ABLIM1: variants seen among roughly 807,000 people sequenced by gnomAD.
The protein encoded by ABLIM1 is actin binding LIM protein 1, also known as actin-binding LIM protein 1.
ABLIM1 carries 40 observed loss-of-function variants against 107.0 expected under a neutral mutation model. That is an observed-to-expected ratio of 0.37 (90% CI 0.29 to 0.49). The LOEUF is 0.49. Ranked by LOEUF, ABLIM1 falls within the 20% of genes least tolerant of loss-of-function variation. The pLI, the probability that ABLIM1 is intolerant of heterozygous loss-of-function variation, is 0.97. For synonymous variants in ABLIM1, 357 were observed against 357.3 expected (o/e 1.00, Z 0.01); for missense variants, 857 against 1,008.5 (o/e 0.85, Z 2.04).
At chr10:114,674,111 G>A (rs559754547) in intron 1 of ABLIM1, among the ~76,000 whole-genome samples, 4 of 151,932 alleles carry the variant, frequency 2.6e-5, no homozygotes, top group Admixed American at 6.6e-5. Context: ...CCAACATGGC[G>A]AAACCCCATC....
intron 1 of ABLIM1, among the ~76,000 whole-genome samples, chr10:114,754,871 CAA>C (rs1444501988): frequency 1.3e-5 from 2 of 152,198 alleles, no homozygotes; most frequent in Non-Finnish European, 2.9e-5. Flanking sequence ...CAGTCCATCT[CAA>C]GTTTCCAGGA....
chr10:114,577,079 G>C (rs2072685226), intron 2 of ABLIM1, among the ~76,000 whole-genome samples: 2 of 152,170 alleles, frequency 1.3e-5, no homozygotes, highest in South Asian at 4.1e-4. Context: ...TAGGCAGTCT[G>C]GGGGTAGCGG....
At chr10:114,699,442 AAGTT>A (rs1178596191) in intron 1 of ABLIM1, among the ~76,000 whole-genome samples, 61 of 152,154 alleles carry the variant, frequency 4.0e-4, no homozygotes, top group Non-Finnish European at 5.0e-4. Context: ...GAAAGCATAA[AAGTT>A]AGATTTAAAA....
chr10:114,759,935 A>G (rs2082709238), intron 1 of ABLIM1, among the ~76,000 whole-genome samples: 1 of 152,210 alleles, frequency 6.6e-6, no homozygotes, highest in Admixed American at 6.5e-5. Context: ...ATATGTAAAT[A>G]TATACTTAAA....
chr10:114,440,542 C>T (rs906374275), intron 19 of ABLIM1, among the ~76,000 whole-genome samples: 1 of 152,056 alleles, frequency 6.6e-6, no homozygotes, highest in African/African-American at 2.4e-5. Flanking sequence ...AACTCCTGGG[C>T]TTAAGCAATT....
chr10:114,714,186 C>G (rs2141978335), intron 1 of ABLIM1, among the ~76,000 whole-genome samples: 1 of 152,312 alleles, frequency 6.6e-6, no homozygotes, highest in East Asian at 1.9e-4. Flanking sequence ...AAGGCTGGAG[C>G]TGGTTTTTTA....
intron 1 of ABLIM1, among the ~76,000 whole-genome samples, chr10:114,700,998 AC>A (rs1205576220): frequency 1.3e-5 from 2 of 152,198 alleles, no homozygotes; most frequent in Non-Finnish European, 2.9e-5. Context: ...AAACAGGCAA[AC>A]CTCAGGCTGG....
At chr10:114,612,961 C>T (rs2076910309) in intron 1 of ABLIM1, among the ~76,000 whole-genome samples, 1 of 152,100 alleles carries the variant, frequency 6.6e-6, no homozygotes, top group Non-Finnish European at 1.5e-5. Context: ...AAACAAAAAC[C>T]AAAAACCAAA....
At chr10:114,679,408 G>GT (rs2080639100) in intron 1 of ABLIM1, among the ~76,000 whole-genome samples, 1 of 152,094 alleles carries the variant, frequency 6.6e-6, no homozygotes, top group Non-Finnish European at 1.5e-5. Flanking sequence ...GCCTAGGCGG[G>GT]TGGATCACCT....
chr10:114,512,859 G>A (rs866032917), intron 6 of ABLIM1, among the ~76,000 whole-genome samples: 6 of 70,506 alleles, frequency 8.5e-5, no homozygotes, highest in South Asian at 3.8e-4. Context: ...AAGGAAAGAA[G>A]GAAGGAAGGA....
chr10:114,774,220 A>G, the ABLIM1 span, among the ~76,000 whole-genome samples: 1 of 152,212 alleles, frequency 6.6e-6, no homozygotes, highest in Admixed American at 6.5e-5. Context: ...ACTGAAAAAA[A>G]TACATGAAAC....
chr10:114,467,601 G>C (rs974965203), intron 11 of ABLIM1, among the ~76,000 whole-genome samples: 2 of 152,160 alleles, frequency 1.3e-5, no homozygotes, highest in African/African-American at 4.8e-5. Flanking sequence ...TAAATTCAAT[G>C]CAAATTATTA....
chr10:114,726,801 A>G (rs2081970187), intron 1 of ABLIM1, among the ~76,000 whole-genome samples: 1 of 152,040 alleles, frequency 6.6e-6, no homozygotes, highest in African/African-American at 2.4e-5. Context: ...ACAAAAAAAG[A>G]ACAGCACCCA....
At position 114,441,027 on chromosome 10, in the gene ABLIM1, C is replaced by T. The variant is rs765415963; in HGVS notation, c.2049G>A (p.Gly683=). 5 of 1,589,604 alleles carry T rather than the reference C, an allele frequency of 3.1e-6. No homozygotes were observed. Among genetic ancestry groups the T allele is most frequent in the African/African-American group, 2.7e-5 (2 of 74,620 alleles). Residue 683 remains glycine (G), a synonymous_variant, in exon 19 of 23, where the codon GGG becomes GGA. Coordinates refer to ENST00000533213, the MANE Select transcript of ABLIM1 (RefSeq NM_002313.7). The part of the protein sequence containing the change: ...AQYNSYGDVS[G]GVRDYQTLPD... ...CCATGGGAGCCTCACCTCGCACTCC[C>T]CCGCTGACATCCCCATAGCTGTTAT...
At chr10:114,700,712 G>A (rs1456603905) in intron 1 of ABLIM1, among the ~76,000 whole-genome samples, 1 of 151,724 alleles carries the variant, frequency 6.6e-6, no homozygotes, top group East Asian at 1.9e-4. Context: ...CAACAAATGA[G>A]GCTGGAACAA....
At chr10:114,539,494 C>T (rs1185404005) in intron 6 of ABLIM1, among the ~76,000 whole-genome samples, 1 of 152,142 alleles carries the variant, frequency 6.6e-6, no homozygotes, top group Non-Finnish European at 1.5e-5. Flanking sequence ...ATGGTTATAC[C>T]TTTGTAAACA....
chr10:114,456,743 ACC>A (rs1048604001), intron 12 of ABLIM1, among the ~76,000 whole-genome samples: 1 of 152,122 alleles, frequency 6.6e-6, no homozygotes, highest in Non-Finnish European at 1.5e-5. Context: ...TATCAACAAG[ACC>A]CTGTGTTGGC....
intron 4 of ABLIM1, among the ~76,000 whole-genome samples, chr10:114,564,843 G>A (rs1302865916): frequency 2.0e-5 from 3 of 152,100 alleles, no homozygotes; most frequent in African/African-American, 4.8e-5. Flanking sequence ...TTCTGGTCCT[G>A]AGTATCTCTA....
intron 7 of ABLIM1, among the ~76,000 whole-genome samples, chr10:114,488,430 T>C (rs1213928066): frequency 6.6e-6 from 1 of 152,222 alleles, no homozygotes; most frequent in Non-Finnish European, 1.5e-5. Context: ...AGCAGTTTAG[T>C]TGACGGGAAT....
Sources: gnomAD v4.1 joint callset for allele counts (sites outside exome capture counted in the v4.1 genomes callset) on GRCh38, gnomAD v4.1.1 for gene constraint, MANE v1.5 for transcripts, NCBI Gene and HGNC (gene_info 2026-07-23, HGNC 2026-07-21) for gene names.